Variants in THSD4 observed in about 807,000 individuals in gnomAD.
THSD4 encodes thrombospondin type-1 domain-containing protein 4.
Under a neutral mutation model 119.0 loss-of-function variants are expected in THSD4, and 69 were observed. The ratio of observed to expected loss-of-function variants is 0.58; its 90% CI spans 0.48 to 0.71. The LOEUF is 0.71. Ranked by LOEUF, THSD4 falls within the 30% of genes least tolerant of loss-of-function variation. THSD4 has a pLI of 0.00. For missense variants in THSD4, 1,393 were observed against 1,391.1 expected (o/e 1.00, Z -0.02); for synonymous variants, 524 against 540.4 (o/e 0.97, Z 0.42).
chr15:71,756,027 G>A (rs1018377964), intron 14 of THSD4, among the ~76,000 whole-genome samples: 1 of 152,164 alleles, frequency 6.6e-6, no homozygotes, highest in Non-Finnish European at 1.5e-5. Context: ...TAGGATAATA[G>A]GAAATTAGTC....
At chr15:71,396,315 CAT>C (rs1016551025) in intron 6 of THSD4, among the ~76,000 whole-genome samples, 52 of 152,240 alleles carry the variant, frequency 3.4e-4, no homozygotes, top group Admixed American at 2.9e-3. Flanking sequence ...CACACACACA[CAT>C]ACCTATACGT....
intron 7 of THSD4, among the ~76,000 whole-genome samples, chr15:71,426,770 T>C (rs902362041): frequency 2.6e-5 from 4 of 152,196 alleles, no homozygotes; most frequent in African/African-American, 4.8e-5. Context: ...CTATTAAAAA[T>C]TTATCATATT....
intron 6 of THSD4, among the ~76,000 whole-genome samples, chr15:71,306,933 T>A (rs2045038401): frequency 6.6e-6 from 1 of 152,218 alleles, no homozygotes; most frequent in African/African-American, 2.4e-5. Flanking sequence ...ATTTCTCAAA[T>A]TTTTTAATTG....
At chr15:71,534,666 G>T (rs991116571) in intron 7 of THSD4, among the ~76,000 whole-genome samples, 13 of 151,758 alleles carry the variant, frequency 8.6e-5, no homozygotes, top group Non-Finnish European at 2.9e-5. Context: ...GCATTTTATG[G>T]CCTACTTTTT....
At chr15:71,664,075 C>T (rs1478349921) in intron 8 of THSD4, among the ~76,000 whole-genome samples, 4 of 152,118 alleles carry the variant, frequency 2.6e-5, no homozygotes, top group Middle Eastern at 6.8e-3. Context: ...CTCTACCTCC[C>T]GGGTTCACGC....
At chr15:71,655,622 G>A (rs577152481) in intron 7 of THSD4, among the ~76,000 whole-genome samples, 1 of 152,118 alleles carries the variant, frequency 6.6e-6, no homozygotes, top group East Asian at 1.9e-4. Context: ...GTCCTAAGGG[G>A]TAGCTGCTCC....
intron 7 of THSD4, among the ~76,000 whole-genome samples, chr15:71,507,239 C>A (rs903794678): frequency 6.6e-6 from 1 of 152,154 alleles, no homozygotes; most frequent in African/African-American, 2.4e-5. Flanking sequence ...CACCTGCAAG[C>A]CAGTGTGCCA....
At chr15:71,214,225 G>A (rs2043911034) in intron 3 of THSD4, among the ~76,000 whole-genome samples, 1 of 147,558 alleles carries the variant, frequency 6.8e-6, no homozygotes, top group South Asian at 2.1e-4. Context: ...GACAAATAAG[G>A]GACTAAAAGC....
rs544118113 is a variant in THSD4 at position 71,355,965 on chromosome 15, T to G, written c.1016-55722T>G. Among the ~76,000 whole-genome samples the G allele has an allele frequency of 1.5e-3, 235 of 152,228 alleles. 2 individuals are homozygous for G. Among genetic ancestry groups the G allele is most frequent in the African/African-American group, 5.4e-3 (225 of 41,552 alleles). ...TCACTGCAACCTCTGCCGCCCAGGT[T>G]TCAGCGATTCTGCTGCCTCAACCTC... is the stretch of plus-strand genomic sequence containing the variant. On this transcript the variant is annotated intron_variant, in intron 6 of 17. Transcript: ENST00000261862.
intron 7 of THSD4, among the ~76,000 whole-genome samples, chr15:71,530,943 G>C (rs887626496): frequency 2.0e-5 from 3 of 152,018 alleles, no homozygotes; most frequent in Non-Finnish European, 4.4e-5. Flanking sequence ...TTAAATGGGG[G>C]GCGGGGGCAT....
At chr15:71,163,454 G>A (rs1019430126) in intron 3 of THSD4, among the ~76,000 whole-genome samples, 2 of 152,002 alleles carry the variant, frequency 1.3e-5, no homozygotes, top group African/African-American at 2.4e-5. Context: ...TTAAGAAAAC[G>A]ATAATCTCGA....
intron 7 of THSD4, among the ~76,000 whole-genome samples, chr15:71,496,048 C>T (rs12591467): frequency 0.54 from 81,658 of 152,076 alleles, 26,437 homozygotes; most frequent in East Asian, 0.88. Flanking sequence ...AGAAGCTTCT[C>T]CCATAGAGGA....
rs1555451851 is a variant in THSD4 at position 71,774,323 on chromosome 15, A to AAAC, written c.2915-2907_2915-2906insCAA. ...GAGACTCTGTCTCAAAAAAAAAAAA[A>AAAC]AAAACTACAAGAGGCTGAAGAAATG... On this transcript the variant is annotated intron_variant, in intron 17 of 17. Transcript: ENST00000261862. Among the ~76,000 whole-genome samples, 335 of 147,758 alleles carry AAAC rather than the reference A, an allele frequency of 2.3e-3. 3 individuals carry two copies. The highest frequency in any genetic ancestry group is 2.4e-3 in the Non-Finnish European group (163 of 66,958).
At chr15:71,370,801 T>C (rs549517551) in intron 6 of THSD4, among the ~76,000 whole-genome samples, 28 of 152,334 alleles carry the variant, frequency 1.8e-4, no homozygotes, top group Admixed American at 5.2e-4. Flanking sequence ...TTAGGTCCAC[T>C]TGGTGCAGAG....
intron 3 of THSD4, among the ~76,000 whole-genome samples, chr15:71,183,430 G>A (rs543393110): frequency 8.4e-4 from 128 of 151,826 alleles, no homozygotes; most frequent in African/African-American, 3.1e-3. Flanking sequence ...CAGTTCTACT[G>A]CTTAGTAATT....
chr15:71,641,991 A>C (rs1332343529), intron 7 of THSD4, among the ~76,000 whole-genome samples: 1 of 152,198 alleles, frequency 6.6e-6, no homozygotes, highest in African/African-American at 2.4e-5. Flanking sequence ...ATATATTAGA[A>C]AGGAAGTGTC....
intron 3 of THSD4, among the ~76,000 whole-genome samples, chr15:71,212,513 C>T (rs1182653917): frequency 6.6e-6 from 1 of 152,198 alleles, no homozygotes; most frequent in African/African-American, 2.4e-5. Flanking sequence ...AATGAGAGAT[C>T]AGGAGGCGGT....
chr15:71,612,286 G>T (rs1402354346), intron 7 of THSD4, among the ~76,000 whole-genome samples: 1 of 152,238 alleles, frequency 6.6e-6, no homozygotes, highest in African/African-American at 2.4e-5. Flanking sequence ...TCTGAGGTCA[G>T]TCGGATGAGC....
intron 7 of THSD4, among the ~76,000 whole-genome samples, chr15:71,414,845 A>G (rs1320708012): frequency 1.3e-5 from 2 of 152,192 alleles, no homozygotes; most frequent in Admixed American, 6.5e-5. Context: ...TACTAGGACT[A>G]CTGGATACTA....
Sources: allele counts gnomAD v4.1 joint callset (sites outside exome capture counted in the v4.1 genomes callset), GRCh38; gene constraint gnomAD v4.1.1; transcripts MANE v1.5; gene names NCBI Gene and HGNC (gene_info 2026-07-23, HGNC 2026-07-21).